Variants in SLC25A48 observed in about 807,000 individuals in gnomAD.
SLC25A48 encodes solute carrier family 25 member 48, also known as CTC-321K16.1.
SLC25A48 carries 29 observed loss-of-function variants against 32.2 expected under a neutral mutation model. That is an observed-to-expected ratio of 0.90 (90% CI 0.67 to 1.23). The LOEUF (loss-of-function observed/expected upper bound fraction) is 1.23. Among genes scored for constraint, SLC25A48 ranks in the 50% most tolerant of loss-of-function variants. The pLI is 0.00. For synonymous variants in SLC25A48, 164 were observed against 172.3 expected (o/e 0.95, Z 0.38); for missense variants, 399 against 422.7 (o/e 0.94, Z 0.49).
At chr5:135,707,902 G>A (rs1754559599) in intron 3 of SLC25A48, among the ~76,000 whole-genome samples, 1 of 152,160 alleles carries the variant, frequency 6.6e-6, no homozygotes, top group Admixed American at 6.5e-5. Context: ...CTTTGAGGTA[G>A]GAGAACAGTA....
At chr5:135,685,513 A>G (rs2126953907) in intron 3 of SLC25A48, among the ~76,000 whole-genome samples, 1 of 150,922 alleles carries the variant, frequency 6.6e-6, no homozygotes, top group East Asian at 2.0e-4. Flanking sequence ...GCGCACTGCA[A>G]CCTCTGCCTT....
intron 3 of SLC25A48, among the ~76,000 whole-genome samples, chr5:135,681,395 T>G (rs554408942): frequency 6.6e-6 from 1 of 152,374 alleles, no homozygotes; most frequent in African/African-American, 2.4e-5. Context: ...TTGTATTTTT[T>G]ACATCTACAA....
chr5:135,883,315 TAACA>T (rs1762604441), intron 7 of SLC25A48: 2 of 985,448 alleles, frequency 2.0e-6, no homozygotes, highest in Non-Finnish European at 2.4e-6. Context: ...CTGCACCTGG[TAACA>T]AACAAACGAA....
rs545915757 is a variant in SLC25A48 at position 135,789,763 on chromosome 5, A to G, written c.-520-22760A>G. Among the ~76,000 whole-genome samples, 5 of 152,036 alleles carry G rather than the reference A, an allele frequency of 3.3e-5. No individual in the cohort carries two copies. The East Asian group carries it at 9.7e-4, about 29-fold the overall frequency. ...GGGGATAGCCTGGTATTACTTCTCG[A>G]TTGTACCTTGCGATATGGGGAGTAA... On this transcript the variant is annotated intron_variant, in intron 3 of 10. Transcript: ENST00000646290.
intron 3 of SLC25A48, among the ~76,000 whole-genome samples, chr5:135,646,681 A>ATATATAT (rs1420073417): frequency 4.8e-5 from 7 of 144,422 alleles, no homozygotes; most frequent in African/African-American, 1.3e-4. Flanking sequence ...ATATATATAC[A>ATATATAT]ATGGGAAGGA....
chr5:135,641,105 G>GA (rs1257666387), intron 3 of SLC25A48, among the ~76,000 whole-genome samples: 6 of 152,116 alleles, frequency 3.9e-5, no homozygotes, highest in African/African-American at 1.4e-4. Context: ...AGAATCTACA[G>GA]AAAAAAATAC....
chr5:135,682,405 G>A (rs575997736), intron 3 of SLC25A48, among the ~76,000 whole-genome samples: 1 of 152,230 alleles, frequency 6.6e-6, no homozygotes, highest in Admixed American at 6.5e-5. Context: ...TTTTCAACCT[G>A]GCCAAGGATT....
intron 3 of SLC25A48, among the ~76,000 whole-genome samples, chr5:135,668,947 A>G (rs931541951): frequency 2.0e-4 from 30 of 152,344 alleles, no homozygotes; most frequent in African/African-American, 6.5e-4. Context: ...AAGATGTCAT[A>G]GCTCAGTGAG....
rs558562882 is a variant in SLC25A48, at chr5:135,629,761, G to T, written c.-709+385G>T. Among the ~76,000 whole-genome samples the T allele has an allele frequency of 6.6e-6, 1 of 152,210 alleles. No individual in the cohort carries two copies. Among genetic ancestry groups the T allele is most frequent in the Non-Finnish European group, 1.5e-5 (1 of 68,032 alleles). On this transcript the variant is annotated intron_variant, in intron 2 of 10. Coordinates refer to the SLC25A48 transcript ENST00000646290. This position sits in a 1 kb window ranked among gnomAD's most constrained non-coding sequence, Gnocchi z 4.8. The stretch of plus-strand genomic sequence containing the variant: ...ACTCCCCATCCATCATGGGTGGAGG[G>T]TTGCTCTCAGTGGTAGGGCATGTTA...
chr5:135,628,319 C>T (rs1388413423), intron 1 of SLC25A48, among the ~76,000 whole-genome samples: 1 of 152,192 alleles, frequency 6.6e-6, no homozygotes, highest in African/African-American at 2.4e-5. Flanking sequence ...GGTCAATTTA[C>T]ACCCCGAGGA....
intron 3 of SLC25A48, among the ~76,000 whole-genome samples, chr5:135,777,342 A>G (rs929102110): frequency 6.6e-6 from 1 of 151,850 alleles, no homozygotes; most frequent in Non-Finnish European, 1.5e-5. Flanking sequence ...CCCAATATCC[A>G]AAAAGAGAGG....
intron 3 of SLC25A48, among the ~76,000 whole-genome samples, chr5:135,662,708 G>A (rs1753432928): frequency 7.6e-6 from 1 of 131,466 alleles, no homozygotes; most frequent in African/African-American, 2.8e-5. Context: ...CTCCCCCTCA[G>A]GTCCCTTGGG....
In SLC25A48 at chr5:135,888,130, C is replaced by T. The variant is rs1293824862; in HGVS notation, c.*106C>T. ...TTTGGCCTTTGGACCTCCAAGTGGA[C>T]ATCAATTAGCAAGCGTGGGCTAGGA... On this transcript the variant is annotated 3_prime_UTR_variant, in exon 8 of 8. Transcript: ENST00000681962. The T allele has an allele frequency of 6.5e-7, 1 of 1,537,008 alleles. No individual in the cohort carries two copies. Among genetic ancestry groups the T allele is most frequent in the Non-Finnish European group, 8.8e-7 (1 of 1,134,290 alleles).
intron 1 of SLC25A48, among the ~76,000 whole-genome samples, chr5:135,608,521 C>T (rs1751992286): frequency 6.6e-6 from 1 of 152,212 alleles, no homozygotes; most frequent in African/African-American, 2.4e-5. Context: ...TCCCAGAAAG[C>T]TGGGTCCATT....
chr5:135,860,889 C>T (rs990755194), intron 4 of SLC25A48, among the ~76,000 whole-genome samples: 7 of 152,152 alleles, frequency 4.6e-5, no homozygotes, highest in African/African-American at 1.2e-4. Context: ...CTGGCTTCTT[C>T]GCTCTGGTAC....
intron 2 of SLC25A48, among the ~76,000 whole-genome samples, chr5:135,842,766 TG>T (rs1332017978): frequency 3.3e-5 from 5 of 152,214 alleles, no homozygotes; most frequent in Non-Finnish European, 7.3e-5. Flanking sequence ...CCCCTTGTTC[TG>T]GGATGTTCCC....
At chr5:135,846,309 G>T (rs1363058655) in intron 2 of SLC25A48, among the ~76,000 whole-genome samples, 1 of 152,176 alleles carries the variant, frequency 6.6e-6, no homozygotes, top group East Asian at 1.9e-4. Flanking sequence ...ACTGGGACTG[G>T]ACTGCAATGG....
At chr5:135,788,918 G>A (rs1442290493) in intron 3 of SLC25A48, among the ~76,000 whole-genome samples, 6 of 149,622 alleles carry the variant, frequency 4.0e-5, no homozygotes, top group Admixed American at 6.6e-5. Context: ...CATATGGTGC[G>A]TAATATCCGG....
intron 3 of SLC25A48, among the ~76,000 whole-genome samples, chr5:135,671,929 G>A (rs1753665055): frequency 8.0e-6 from 1 of 124,926 alleles, no homozygotes; most frequent in East Asian, 2.7e-4. Context: ...TGAGACCAAA[G>A]TATCCGGCAT....
Sources: allele counts gnomAD v4.1 joint callset (sites outside exome capture counted in the v4.1 genomes callset), GRCh38; gene constraint gnomAD v4.1.1; non-coding constraint Gnocchi (gnomAD v3.1); transcripts MANE v1.5; gene names NCBI Gene and HGNC (gene_info 2026-07-23, HGNC 2026-07-21).